The following KCNH5 variants were observed in gnomAD, a reference collection of about 807,000 sequenced individuals.
The protein encoded by KCNH5 is potassium voltage-gated channel subfamily H member 5.
In KCNH5, 46 loss-of-function variants were observed where a neutral mutation model predicts 96.1. That is an observed-to-expected ratio of 0.48 (90% CI 0.38 to 0.61). The LOEUF (loss-of-function observed/expected upper bound fraction) is 0.61, where lower values mean the gene tolerates loss of function less well. Ranked by LOEUF, KCNH5 falls within the 20% of genes least tolerant of loss-of-function variation. KCNH5 has a pLI of 0.00. For missense variants in KCNH5, 907 were observed against 1,225.8 expected (o/e 0.74, Z 3.88); for synonymous variants, 439 against 449.8 (o/e 0.98, Z 0.30).
At chr14:62,725,032 T>A (rs1421308049) in intron 10 of KCNH5, among the ~76,000 whole-genome samples, 1 of 152,214 alleles carries the variant, frequency 6.6e-6, no homozygotes, top group African/African-American at 2.4e-5. Context: ...TATTGAGGCA[T>A]GAAAAATAAT....
At chr14:62,716,412 C>A (rs1884685616) in intron 10 of KCNH5, among the ~76,000 whole-genome samples, 1 of 152,206 alleles carries the variant, frequency 6.6e-6, no homozygotes, top group African/African-American at 2.4e-5. Context: ...AGTAAGAAGT[C>A]AGCAATCCAG....
chr14:62,910,939 A>C (rs867841238), intron 7 of KCNH5, among the ~76,000 whole-genome samples: 5 of 142,824 alleles, frequency 3.5e-5, no homozygotes, highest in African/African-American at 1.4e-4. Flanking sequence ...ACACACACAC[A>C]CACCCCTCTG....
Position 62,817,893 on chromosome 14 carries a change from TATAAATATAA to T in KCNH5, c.1570-15322_1570-15313del, listed in dbSNP as rs1290544064. On this transcript the variant is annotated intron_variant, in intron 8 of 10. Transcript: ENST00000322893. ...TACATATAATAGCCATAAATATAAA[TATAAATATAA>T]ATATATATATATGGCTATTACTCAA... Among the ~76,000 whole-genome samples, 5 of 124,526 alleles carry T rather than the reference TATAAATATAA, an allele frequency of 4.0e-5. No homozygotes were observed. The East Asian group carries it at 9.2e-4, about 23-fold the overall frequency. The allele number at this position is 124,526 out of a possible 152,430, so 81.7% of individuals were successfully genotyped here.
At chr14:62,815,091 T>TCATTCAGTCTC in intron 8 of KCNH5, among the ~76,000 whole-genome samples, 4 of 152,296 alleles carry the variant, frequency 2.6e-5, no homozygotes, top group Middle Eastern at 3.4e-3. Context: ...AATGAACCGC[T>TCATTCAGTCTC]ATTCAGCAAT....
intron 6 of KCNH5, among the ~76,000 whole-genome samples, chr14:62,953,863 A>G (rs1448452463): frequency 6.6e-6 from 1 of 152,096 alleles, no homozygotes; most frequent in Non-Finnish European, 1.5e-5. Flanking sequence ...CACAGATCAC[A>G]CTACAAGGGC....
At chr14:62,744,411 C>T in intron 10 of KCNH5, among the ~76,000 whole-genome samples, 1 of 152,078 alleles carries the variant, frequency 6.6e-6, no homozygotes, top group East Asian at 1.9e-4. Flanking sequence ...TATAATTATT[C>T]TCATTTAAAA....
chr14:62,990,559 A>T (rs1224710930), intron 4 of KCNH5, among the ~76,000 whole-genome samples: 1 of 152,058 alleles, frequency 6.6e-6, no homozygotes, highest in East Asian at 1.9e-4. Context: ...TGAAAAACAG[A>T]AAGAAAATGA....
chr14:62,844,371 CAT>C (rs1392877699), intron 8 of KCNH5, among the ~76,000 whole-genome samples: 5 of 152,116 alleles, frequency 3.3e-5, no homozygotes, highest in Middle Eastern at 3.2e-3. Flanking sequence ...CATTTTTTCA[CAT>C]GTTCCAAAAA....
chr14:62,913,332 A>G (rs1889208673), intron 7 of KCNH5, among the ~76,000 whole-genome samples: 1 of 152,150 alleles, frequency 6.6e-6, no homozygotes, highest in South Asian at 2.1e-4. Flanking sequence ...GGTTCAAGCA[A>G]TTCTCCTGCC....
chr14:63,031,790 T>C (rs2139623814), intron 1 of KCNH5, among the ~76,000 whole-genome samples: 1 of 152,274 alleles, frequency 6.6e-6, no homozygotes, highest in East Asian at 1.9e-4. Context: ...ATATGGAAGA[T>C]GATGAATAGG....
intron 7 of KCNH5, among the ~76,000 whole-genome samples, chr14:62,908,782 ATTTTTTTTTTTTTTTT>A (rs71120241): frequency 2.1e-4 from 5 of 23,718 alleles, no homozygotes; most frequent in East Asian, 1.7e-3. Context: ...TTTGCTTTGT[ATTTTTTTTTTTTTTTT>A]TTTTTTTTTT....
At chr14:62,914,723 T>C (rs888063013) in intron 7 of KCNH5, among the ~76,000 whole-genome samples, 13 of 152,308 alleles carry the variant, frequency 8.5e-5, no homozygotes, top group Non-Finnish European at 1.5e-4. Context: ...ACATCACTGG[T>C]ACCATGATCT....
chr14:62,906,533 C>T (rs1436210919), intron 7 of KCNH5, among the ~76,000 whole-genome samples: 3 of 151,964 alleles, frequency 2.0e-5, no homozygotes, highest in Non-Finnish European at 4.4e-5. Context: ...AATCTATCTT[C>T]CTTTAAAAAA....
intron 1 of KCNH5, among the ~76,000 whole-genome samples, chr14:63,034,250 A>G (rs1891682105): frequency 1.3e-5 from 2 of 152,198 alleles, no homozygotes; most frequent in Admixed American, 1.3e-4. Flanking sequence ...TTCTGGATGA[A>G]TGATACCTAT....
At chr14:62,813,909 A>G (rs1452212452) in intron 8 of KCNH5, among the ~76,000 whole-genome samples, 2 of 152,198 alleles carry the variant, frequency 1.3e-5, no homozygotes, top group Non-Finnish European at 2.9e-5. Flanking sequence ...ATAACCAGGC[A>G]GTCATGCAGT....
chr14:62,908,782 A>ATTTTTTTTTTTTTTTTTTT lies in KCNH5; in HGVS notation c.1369+41332_1369+41350dup, dbSNP rs71120241. ...TTGCCCTTTGTTGATTTTGCTTTGT[A>ATTTTTTTTTTTTTTTTTTT]TTTTTTTTTTTTTTTTTTTTTTTTT... On this transcript the variant is annotated intron_variant, in intron 7 of 10. Transcript: ENST00000322893. Among the ~76,000 whole-genome samples the ATTTTTTTTTTTTTTTTTTT allele has an allele frequency of 4.2e-4, 10 of 23,718 alleles. 4 individuals carry two copies. Among genetic ancestry groups the ATTTTTTTTTTTTTTTTTTT allele is most frequent in the Admixed American group, 7.8e-4 (1 of 1,290 alleles). 15.6% of individuals were successfully genotyped at this position (23,718 alleles called of 152,430 possible).
intron 7 of KCNH5, among the ~76,000 whole-genome samples, chr14:62,875,598 T>A (rs1372343112): frequency 6.6e-6 from 1 of 152,142 alleles, no homozygotes; most frequent in African/African-American, 2.4e-5. Context: ...TTGGTGGGAA[T>A]ATAAATTAGT....
chr14:62,727,502 T>C (rs1248453969), intron 10 of KCNH5, among the ~76,000 whole-genome samples: 2 of 152,184 alleles, frequency 1.3e-5, no homozygotes, highest in African/African-American at 4.8e-5. Context: ...TGTGTTCAGT[T>C]TGTGAAAATG....
At chr14:62,950,992 T>C (rs1889995080) in intron 6 of KCNH5, among the ~76,000 whole-genome samples, 2 of 152,302 alleles carry the variant, frequency 1.3e-5, no homozygotes, top group South Asian at 4.1e-4. Flanking sequence ...TATTTTATGA[T>C]AGCTACAAAT....
Sources: allele counts gnomAD v4.1 joint callset (sites outside exome capture counted in the v4.1 genomes callset), GRCh38; gene constraint gnomAD v4.1.1; transcripts MANE v1.5; gene names NCBI Gene and HGNC (gene_info 2026-07-23, HGNC 2026-07-21).